Variants in PLCD4 observed in about 807,000 individuals in gnomAD.
PLCD4 encodes the protein 1-phosphatidylinositol 4,5-bisphosphate phosphodiesterase delta-4.
Under a neutral mutation model 90.2 loss-of-function variants are expected in PLCD4, and 63 were observed. That is an observed-to-expected ratio of 0.70 (90% CI 0.57 to 0.86). PLCD4 has a LOEUF of 0.86. PLCD4 is among the 40% of genes least tolerant of loss of function. The pLI is 0.00. For missense variants in PLCD4, 830 were observed against 956.3 expected, an observed-to-expected ratio of 0.87 and a Z score of 1.74; for synonymous variants, 294 against 356.5, an observed-to-expected ratio of 0.82 and a Z score of 1.97.
At chr2:218,633,491 G>A in intron 10 of PLCD4, 114 bp from the exon 11 acceptor site, 1 of 1,248,260 alleles carries the variant, frequency 8.0e-7, no homozygotes. Flanking sequence ...GGTGAGGCAG[G>A]AGGGAGAATA....
Position 218,632,270 on chromosome 2 carries a change from T to C in PLCD4, c.1407T>C (p.Pro469=), listed in dbSNP as rs1696416448. The change falls in exon 10 of 16, where the codon CCT becomes CCC. Residue 469 remains proline, a synonymous_variant. Transcript: ENST00000450993. ...LALESQFETE[P]EPQEQNLQNK... ...TGGAGTCCCAGTTTGAGACTGAGCC[T>C]GAGCCCCAGGAGCAGAACCTTCAGA... 2 of 1,611,452 alleles carry C rather than the reference T, an allele frequency of 1.2e-6. No homozygotes were observed. The highest frequency in any genetic ancestry group is 2.2e-5 in the South Asian group (2 of 90,330).
intron 6 of PLCD4, 35 bp from the exon 7 acceptor site, chr2:218,627,994 G>T (rs1168541127): frequency 1.3e-6 from 2 of 1,571,832 alleles, no homozygotes; most frequent in Non-Finnish European, 1.7e-6. Context: ...CCCATTCAGA[G>T]CTTCTCACCT....
In PLCD4 at chr2:218,629,577, G is replaced by C; in HGVS notation, c.1033G>C (p.Glu345Gln). ...GGATGTATGGGATGGACCTAGCGGG[G>C]AACCTGTCGTTTACCACGGACACAC... ...EVDVWDGPSGEPVVYHGHTLT... is the reference protein window; with the variant it reads ...EVDVWDGPSGQPVVYHGHTLT... Residue 345 changes from glutamate (E) to glutamine (Q), a missense_variant, in exon 8 of 16, where the codon GAA becomes CAA. Coordinates refer to ENST00000450993, the MANE Select transcript of PLCD4 (RefSeq NM_032726.4). 1 of 1,613,834 alleles carries C rather than the reference G, an allele frequency of 6.2e-7. No individual in the cohort carries two copies. The highest frequency in any genetic ancestry group is 8.5e-7 in the Non-Finnish European group (1 of 1,179,854).
chr2:218,628,555 G>A, intron 7 of PLCD4: 1 of 230,352 alleles, frequency 4.3e-6, no homozygotes, highest in Non-Finnish European at 8.6e-6. Context: ...ATAGGTTCTG[G>A]AGTCAGACCA....
intron 9 of PLCD4, among the ~76,000 whole-genome samples, chr2:218,631,749 G>A (rs1246104552): frequency 2.0e-5 from 3 of 147,724 alleles, no homozygotes; most frequent in Admixed American, 6.8e-5. Flanking sequence ...CTGAGATTGC[G>A]CCACTGCACT....
Position 218,634,130 on chromosome 2 carries a change from T to C in PLCD4, c.1632T>C (p.Thr544=), listed in dbSNP as rs946392314. 3 of 1,612,020 alleles carry C rather than the reference T, an allele frequency of 1.9e-6. No homozygotes were observed. The change falls in exon 12 of 16, where the codon ACT becomes ACC. Residue 544 remains threonine, a synonymous_variant. Transcript: ENST00000450993. The surrounding 1 kb of genome is among the most constrained non-coding windows in gnomAD (Gnocchi z 4.0). Reference sequence around the variant, plus strand: ...GCAATGAGTTTGTGCAGCACAATACTTGGCAGTTAAGCCGTGTGTATCCCA... The same window carrying C: ...GCAATGAGTTTGTGCAGCACAATACCTGGCAGTTAAGCCGTGTGTATCCCA... The part of the protein sequence containing the change: ...EAGNEFVQHN[T]WQLSRVYPSG...
At chr2:218,624,636 C>T (rs1169387549) in intron 6 of PLCD4, among the ~76,000 whole-genome samples, 2 of 150,780 alleles carry the variant, frequency 1.3e-5, no homozygotes, top group Non-Finnish European at 2.9e-5. Flanking sequence ...ATAAGAATCG[C>T]TTGAACTCGG....
rs931463109 is a variant in PLCD4, at chr2:218,615,820, G to A, written c.22+59G>A. The A allele has an allele frequency of 3.1e-5, 49 of 1,601,552 alleles. No homozygotes were observed. The Admixed American group carries it at 7.7e-4, about 25-fold the overall frequency. ...TTAGTGTACAGCTCAGGGAAGGGAA[G>A]GAGGTTGGACCCCTGTTCCAGAGCT... On this transcript the variant is annotated intron_variant, in intron 2 of 15. Transcript: ENST00000450993.
At chr2:218,608,498 C>A (rs1695187907) in intron 1 of PLCD4, among the ~76,000 whole-genome samples, 1 of 152,102 alleles carries the variant, frequency 6.6e-6, no homozygotes, top group Admixed American at 6.6e-5. Context: ...TATGAAAGTC[C>A]CTTAGAAAGT....
At chr2:218,612,176 G>T (rs1310679638) in intron 1 of PLCD4, among the ~76,000 whole-genome samples, 1 of 152,262 alleles carries the variant, frequency 6.6e-6, no homozygotes, top group South Asian at 2.1e-4. Context: ...CCAAAGTGCT[G>T]GGATTACAGG....
intron 8 of PLCD4, among the ~76,000 whole-genome samples, chr2:218,630,287 T>C (rs1184812942): frequency 1.3e-5 from 2 of 152,110 alleles, no homozygotes; most frequent in Non-Finnish European, 2.9e-5. Flanking sequence ...TGATGAACAA[T>C]GGGAATCTGG....
intron 7 of PLCD4, 32 bp downstream of exon 7, chr2:218,628,262 A>C: frequency 6.3e-7 from 1 of 1,592,290 alleles, no homozygotes; most frequent in Non-Finnish European, 8.6e-7. Flanking sequence ...GGTCCAACTC[A>C]TGAGAGGGAC....
intron 3 of PLCD4, 141 bp from the exon 4 acceptor site, chr2:218,618,438 T>C (rs1206272042): frequency 4.4e-6 from 3 of 687,618 alleles, no homozygotes; most frequent in Non-Finnish European, 7.4e-6. Flanking sequence ...TCTGTACTAA[T>C]GCTTTTTGGG....
intron 7 of PLCD4, 167 bp from the exon 8 acceptor site, chr2:218,629,352 G>T: frequency 1.4e-6 from 1 of 724,160 alleles, no homozygotes. Context: ...GCGTGAGCTT[G>T]CAGCAGTGTC....
At position 218,633,739 on chromosome 2, in the gene PLCD4, C is replaced by T. The variant is rs1204183041; in HGVS notation, c.1584C>T (p.Ala528=). 1 of 1,613,966 alleles carries T rather than the reference C, an allele frequency of 6.2e-7. No homozygotes were observed. Among genetic ancestry groups the T allele is most frequent in the Admixed American group, 1.7e-5 (1 of 60,022 alleles). The stretch of plus-strand genomic sequence containing the variant: ...TATCATCTTTCTCTGAAACCAAGGC[C>T]AAGCGCCTCATCAAGGAGGCTGGTC... The part of the protein sequence containing the change: ...YEISSFSETK[A]KRLIKEAGNE... The change falls in exon 11 of 16, where the codon GCC becomes GCT. Residue 528 remains alanine (A), a synonymous_variant. Transcript: ENST00000450993.
In PLCD4 at chr2:218,636,645, C is replaced by A; in HGVS notation, c.*68C>A. The A allele has an allele frequency of 1.3e-6, 2 of 1,482,620 alleles. No individual in the cohort carries two copies. Among genetic ancestry groups the A allele is most frequent in the South Asian group, 1.2e-5 (1 of 84,614 alleles). 91.8% of individuals were successfully genotyped at this position (1,482,620 alleles called of 1,614,324 possible). ...GGGGAGAAACATCTGGAAGGATGCT[C>A]GAGAGAACAAATGGAGGTGGTGAAA... On this transcript the variant is annotated 3_prime_UTR_variant, in exon 16 of 16. Transcript: ENST00000450993.
At position 218,634,542 on chromosome 2, in the gene PLCD4, TGAAGCCA is replaced by T; in HGVS notation, c.1811_1817del (p.Lys604ThrfsTer25). On this transcript the variant is annotated frameshift_variant, in exon 13 of 16. Transcript: ENST00000450993. LOFTEE classifies it high-confidence loss of function. This position sits in a 1 kb window ranked among gnomAD's most constrained non-coding sequence, Gnocchi z 4.0. ...CAGAATGGCGGCTGTGGCTATGTGCTGAAGCCAGACTTCCTGCGTGATATCCAGAGTT... is the reference window on the plus strand; with the variant it reads ...CAGAATGGCGGCTGTGGCTATGTGCTGACTTCCTGCGTGATATCCAGAGTT... 1 of 1,614,078 alleles carries T rather than the reference TGAAGCCA, an allele frequency of 6.2e-7. No homozygotes were observed. Among genetic ancestry groups the T allele is most frequent in the South Asian group, 1.1e-5 (1 of 91,092 alleles).
rs2106158453 is a variant in PLCD4, at chr2:218,632,156, G to A, written c.1293G>A (p.Leu431=). 6.2e-7 allele frequency: 1 copy of A among 1,609,000 alleles called. No individual in the cohort carries two copies. Among genetic ancestry groups the A allele is most frequent in the Non-Finnish European group, 8.5e-7 (1 of 1,177,982 alleles). The part of the protein sequence containing the change: ...PSPEELRRKI[L]VKGKKLTLEE... Reference sequence around the variant, plus strand: ...CCTAGGAGCTTCGGAGGAAGATCCTGGTGAAGGGGAAGAAGTTAACACTTG... The same window carrying A: ...CCTAGGAGCTTCGGAGGAAGATCCTAGTGAAGGGGAAGAAGTTAACACTTG... Residue 431 remains leucine (L), a synonymous_variant, in exon 10 of 16, where the codon CTG becomes CTA. Coordinates refer to ENST00000450993, the MANE Select transcript of PLCD4 (RefSeq NM_032726.4).
intron 9 of PLCD4, among the ~76,000 whole-genome samples, chr2:218,631,006 G>A (rs1028515345): frequency 3.3e-5 from 5 of 152,042 alleles, no homozygotes; most frequent in African/African-American, 9.7e-5. Flanking sequence ...AGCTCTCTAA[G>A]TTTTAAATCA....
Sources: gnomAD v4.1 joint callset for allele counts (sites outside exome capture counted in the v4.1 genomes callset) on GRCh38, gnomAD v4.1.1 for gene constraint, Gnocchi (gnomAD v3.1) non-coding constraint, MANE v1.5 for transcripts, NCBI Gene and HGNC (gene_info 2026-07-23, HGNC 2026-07-21) for gene names.